The following DPYSL3 variants were observed in gnomAD, a reference collection of about 807,000 sequenced individuals.
DPYSL3 encodes dihydropyrimidinase-related protein 3.
Under a neutral mutation model 66.1 loss-of-function variants are expected in DPYSL3, and 16 were observed. That is an observed-to-expected ratio of 0.24 (90% CI 0.16 to 0.37). DPYSL3 has a LOEUF of 0.37. DPYSL3 is among the 10% of genes least tolerant of loss of function. The pLI is 1.00. For missense variants in DPYSL3, 738 were observed against 916.2 expected (o/e 0.81, Z 2.51); for synonymous variants, 338 against 345.1 (o/e 0.98, Z 0.23).
At chr5:147,456,158 A>G (rs1177031818) in intron 1 of DPYSL3, among the ~76,000 whole-genome samples, 5 of 152,192 alleles carry the variant, frequency 3.3e-5, no homozygotes, top group Admixed American at 2.6e-4. Context: ...ACTTTCTTGA[A>G]CCAAAATAAA....
intron 1 of DPYSL3, among the ~76,000 whole-genome samples, chr5:147,495,581 A>G (rs968144782): frequency 5.3e-5 from 8 of 152,200 alleles, no homozygotes; most frequent in African/African-American, 1.9e-4. Flanking sequence ...TACAAAAATC[A>G]CAAGCACTCT....
chr5:147,430,441 C>T (rs1220335090), intron 1 of DPYSL3, among the ~76,000 whole-genome samples: 1 of 145,196 alleles, frequency 6.9e-6, no homozygotes, highest in East Asian at 2.1e-4. Context: ...ACCTGGGAGG[C>T]AGAGATTGCA....
intron 1 of DPYSL3, among the ~76,000 whole-genome samples, chr5:147,479,114 C>G (rs921222202): frequency 2.6e-5 from 4 of 152,052 alleles, no homozygotes; most frequent in Non-Finnish European, 5.9e-5. Context: ...GTAGCTACTA[C>G]TTATTGAGGG....
chr5:147,507,038 A>T (rs1753692190), intron 1 of DPYSL3, among the ~76,000 whole-genome samples: 1 of 152,218 alleles, frequency 6.6e-6, no homozygotes. Context: ...CACATACTAT[A>T]CACAGATGTG....
intron 1 of DPYSL3, among the ~76,000 whole-genome samples, chr5:147,469,078 T>C (rs2126420880): frequency 6.6e-6 from 1 of 152,346 alleles, no homozygotes; most frequent in Non-Finnish European, 1.5e-5. Flanking sequence ...CAGACTCCTC[T>C]GCCAAAATTC....
chr5:147,507,017 A>C (rs1753691973), intron 1 of DPYSL3, among the ~76,000 whole-genome samples: 1 of 152,224 alleles, frequency 6.6e-6, no homozygotes, highest in African/African-American at 2.4e-5. Context: ...TTAAGTGTGT[A>C]TACAATTTGC....
chr5:147,453,363 C>T (rs1752774476), intron 1 of DPYSL3, among the ~76,000 whole-genome samples: 1 of 152,150 alleles, frequency 6.6e-6, no homozygotes, highest in Non-Finnish European at 1.5e-5. Flanking sequence ...TCCCCAAACC[C>T]CAGGGTCGCT....
At chr5:147,486,536 G>T (rs981401723) in intron 1 of DPYSL3, among the ~76,000 whole-genome samples, 1 of 151,990 alleles carries the variant, frequency 6.6e-6, no homozygotes, top group Non-Finnish European at 1.5e-5. Context: ...CATGAATATC[G>T]ATTCCGTGCC....
intron 1 of DPYSL3, among the ~76,000 whole-genome samples, chr5:147,456,427 A>AC (rs1752853502): frequency 6.6e-6 from 1 of 152,092 alleles, no homozygotes; most frequent in African/African-American, 2.4e-5. Context: ...AATTTTGGCT[A>AC]CCACACCTGC....
At chr5:147,477,014 C>T (rs1230102768) in intron 1 of DPYSL3, among the ~76,000 whole-genome samples, 1 of 152,082 alleles carries the variant, frequency 6.6e-6, no homozygotes, top group Non-Finnish European at 1.5e-5. Context: ...CTACTCTGAG[C>T]AAGATTTAAG....
At chr5:147,483,082 G>A (rs1186677621) in intron 1 of DPYSL3, among the ~76,000 whole-genome samples, 1 of 152,102 alleles carries the variant, frequency 6.6e-6, no homozygotes, top group East Asian at 1.9e-4. Flanking sequence ...TCTGGGTGGG[G>A]ACACAAAGCA....
At chr5:147,492,439 T>C (rs562131313) in intron 1 of DPYSL3, among the ~76,000 whole-genome samples, 1 of 152,174 alleles carries the variant, frequency 6.6e-6, no homozygotes, top group East Asian at 1.9e-4. Flanking sequence ...AAAATAACAA[T>C]AGCAACAATG....
intron 1 of DPYSL3, among the ~76,000 whole-genome samples, chr5:147,480,701 ATATAT>A (rs1201487039): frequency 1.7e-5 from 2 of 117,850 alleles, no homozygotes; most frequent in Admixed American, 9.9e-5. Flanking sequence ...ATGAATATAT[ATATAT>A]TATTATTATT....
At chr5:147,434,844 T>C (rs113120301) in intron 1 of DPYSL3, among the ~76,000 whole-genome samples, 5 of 152,246 alleles carry the variant, frequency 3.3e-5, no homozygotes, top group East Asian at 1.9e-4. Context: ...GATAGACACA[T>C]GACATTTTTC....
chr5:147,407,384 G>A (rs1448442921), intron 7 of DPYSL3, among the ~76,000 whole-genome samples: 1 of 152,134 alleles, frequency 6.6e-6, no homozygotes. Flanking sequence ...AGGCTAAGGG[G>A]AGGTTGAAAA....
intron 7 of DPYSL3, among the ~76,000 whole-genome samples, 186 bp downstream of exon 7, chr5:147,408,542 G>A (rs576449894): frequency 6.6e-6 from 1 of 152,238 alleles, no homozygotes; most frequent in South Asian, 2.1e-4. Context: ...GGGAGATTAG[G>A]GGTCAGAAAT....
rs550581210 is a variant in DPYSL3 at position 147,397,901 on chromosome 5, C to T, written c.1624-56G>A. 2.0e-3 allele frequency: 1,853 copies of T among 918,058 alleles called. 6 individuals carry two copies. Among genetic ancestry groups the T allele is most frequent in the Middle Eastern group, 7.6e-3 (18 of 2,358 alleles). 56.9% of individuals were successfully genotyped at this position (918,058 alleles called of 1,614,324 possible). The stretch of plus-strand genomic sequence containing the variant: ...GTAAGGGTAGAGAAAGAGGAACGTA[C>T]CTTCTCTCCTTGAGACCTTCAGTGT... On this transcript the variant is annotated intron_variant, in intron 11 of 13. Transcript: ENST00000343218.
intron 1 of DPYSL3, among the ~76,000 whole-genome samples, chr5:147,448,696 G>A (rs1479731315): frequency 6.6e-6 from 1 of 152,162 alleles, no homozygotes; most frequent in Non-Finnish European, 1.5e-5. Flanking sequence ...TTGCCACATA[G>A]ACTTGAATTC....
chr5:147,481,088 T>C (rs1035994254), intron 1 of DPYSL3, among the ~76,000 whole-genome samples: 1 of 152,174 alleles, frequency 6.6e-6, no homozygotes, highest in Admixed American at 6.5e-5. Flanking sequence ...AAAAATTTCA[T>C]ACGCATTATT....
Sources: gnomAD v4.1 joint callset for allele counts (sites outside exome capture counted in the v4.1 genomes callset) on GRCh38, gnomAD v4.1.1 for gene constraint, MANE v1.5 for transcripts, NCBI Gene and HGNC (gene_info 2026-07-23, HGNC 2026-07-21) for gene names.